PIK3C2G: variants seen among roughly 807,000 people sequenced by gnomAD.
The protein encoded by PIK3C2G is phosphatidylinositol-4-phosphate 3-kinase catalytic subunit type 2 gamma.
Under a neutral mutation model 181.1 loss-of-function variants are expected in PIK3C2G, and 168 were observed. That is an observed-to-expected ratio of 0.93 (90% CI 0.82 to 1.05). The LOEUF is 1.05. Among genes scored for constraint, PIK3C2G ranks in the 50% least tolerant of loss-of-function variants. PIK3C2G has a pLI of 0.00. For synonymous variants in PIK3C2G, 573 were observed against 592.2 expected (o/e 0.97, Z 0.47); for missense variants, 1,869 against 1,732.8 (o/e 1.08, Z -1.40).
At chr12:18,285,228 C>A (rs181176674) in intron 2 of PIK3C2G, 103 of 152,146 alleles carry the variant, frequency 6.8e-4, no homozygotes, top group African/African-American at 2.3e-3. Flanking sequence ...TTTTTAAATT[C>A]TTTAAAAGAA....
At chr12:18,684,753 A>C in the PIK3C2G span, among the ~76,000 whole-genome samples, 3 of 152,028 alleles carry the variant, frequency 2.0e-5, no homozygotes, top group Non-Finnish European at 4.4e-5. Context: ...TAAGTCCTTG[A>C]TATGGTTAAG....
intron 18 of PIK3C2G, among the ~76,000 whole-genome samples, chr12:18,428,792 T>C (rs895811271): frequency 6.6e-6 from 1 of 152,160 alleles, no homozygotes; most frequent in Admixed American, 6.6e-5. Flanking sequence ...GTGTTTGAAT[T>C]TAAAAGCTTT....
At chr12:18,503,877 A>G (rs899711698) in intron 23 of PIK3C2G, among the ~76,000 whole-genome samples, 2 of 152,214 alleles carry the variant, frequency 1.3e-5, no homozygotes, top group Non-Finnish European at 2.9e-5. Flanking sequence ...ATTTGACTGC[A>G]AACACTTTTT....
intron 19 of PIK3C2G, among the ~76,000 whole-genome samples, chr12:18,490,077 T>G (rs898183170): frequency 7.9e-5 from 12 of 152,114 alleles, no homozygotes; most frequent in Non-Finnish European, 1.6e-4. Flanking sequence ...TGGCTACTTT[T>G]GTACTTAAAA....
At chr12:18,387,923 C>T (rs1943278938) in intron 14 of PIK3C2G, among the ~76,000 whole-genome samples, 1 of 152,182 alleles carries the variant, frequency 6.6e-6, no homozygotes, top group Non-Finnish European at 1.5e-5. Context: ...ATGTTTGGCT[C>T]TTCCTTTTAT....
intron 24 of PIK3C2G, among the ~76,000 whole-genome samples, chr12:18,514,628 T>C (rs1565466599): frequency 1.3e-5 from 2 of 151,910 alleles, no homozygotes; most frequent in African/African-American, 2.4e-5. Context: ...TTATTTGTTA[T>C]GGCAAATTTT....
At chr12:18,309,082 C>T (rs1290348391) in intron 5 of PIK3C2G, among the ~76,000 whole-genome samples, 1 of 151,534 alleles carries the variant, frequency 6.6e-6, no homozygotes, top group Non-Finnish European at 1.5e-5. Context: ...TTTGATACTA[C>T]ACCAAAATCA....
At chr12:18,667,761 T>C in the PIK3C2G span, among the ~76,000 whole-genome samples, 3 of 152,214 alleles carry the variant, frequency 2.0e-5, no homozygotes, top group South Asian at 6.2e-4. Context: ...AATGAAACTC[T>C]ATAAAGTTAA....
intron 11 of PIK3C2G, among the ~76,000 whole-genome samples, chr12:18,352,216 A>G (rs944722093): frequency 6.6e-6 from 1 of 152,226 alleles, no homozygotes; most frequent in African/African-American, 2.4e-5. Flanking sequence ...GAACTAATCT[A>G]TGACAACTCC....
chr12:18,322,729 C>G (rs935201232), intron 7 of PIK3C2G, among the ~76,000 whole-genome samples: 1 of 152,098 alleles, frequency 6.6e-6, no homozygotes, highest in African/African-American at 2.4e-5. Context: ...TCTCTGCCAC[C>G]CTTCCCCCTA....
chr12:18,690,417 G>T, the PIK3C2G span, among the ~76,000 whole-genome samples: 1 of 152,040 alleles, frequency 6.6e-6, no homozygotes, highest in African/African-American at 2.4e-5. Flanking sequence ...TAGAAACAGG[G>T]TTTCACCATG....
chr12:18,305,525 G>A (rs1179164804), intron 5 of PIK3C2G, among the ~76,000 whole-genome samples: 1 of 152,052 alleles, frequency 6.6e-6, no homozygotes, highest in Non-Finnish European at 1.5e-5. Context: ...TTACCCAAAA[G>A]CACTGTCTAT....
intron 26 of PIK3C2G, among the ~76,000 whole-genome samples, chr12:18,559,821 TAGAGAGAGAGAGAGAGAGAGAG>T (rs1171468138): frequency 2.7e-4 from 5 of 18,372 alleles, no homozygotes; most frequent in Admixed American, 1.0e-3. Context: ...TATATATATA[TAGAGAGAGAGAGAGAGAGAGAG>T]AGAGAGAGAG....
chr12:18,406,497 G>C (rs1944539060), intron 16 of PIK3C2G, among the ~76,000 whole-genome samples: 1 of 152,154 alleles, frequency 6.6e-6, no homozygotes, highest in South Asian at 2.1e-4. Context: ...TCTTGGAAAA[G>C]AATTGATGAT....
intron 22 of PIK3C2G, among the ~76,000 whole-genome samples, chr12:18,500,228 C>T (rs555691927): frequency 3.9e-5 from 6 of 152,216 alleles, no homozygotes; most frequent in Admixed American, 3.3e-4. Context: ...CTTGGCGGGC[C>T]CCGCACTCGG....
At chr12:18,506,000 G>T (rs901518046) in intron 24 of PIK3C2G, among the ~76,000 whole-genome samples, 1 of 152,184 alleles carries the variant, frequency 6.6e-6, no homozygotes, top group African/African-American at 2.4e-5. Flanking sequence ...TACAAGCTAA[G>T]AAATGACTTG....
chr12:18,346,552 G>A (rs1227245592), intron 10 of PIK3C2G, 89 bp from the exon 11 acceptor site: 4 of 722,260 alleles, frequency 5.5e-6, no homozygotes, highest in Non-Finnish European at 9.2e-6. Context: ...TATTGAAATT[G>A]TATTATATGA....
intron 24 of PIK3C2G, among the ~76,000 whole-genome samples, chr12:18,518,722 C>T (rs1239193817): frequency 1.3e-5 from 2 of 152,076 alleles, no homozygotes; most frequent in Non-Finnish European, 2.9e-5. Context: ...TTTTGTATCT[C>T]TATCACCTTC....
chr12:18,361,045 T>A (rs1941193505), intron 11 of PIK3C2G, among the ~76,000 whole-genome samples: 1 of 152,150 alleles, frequency 6.6e-6, no homozygotes, highest in South Asian at 2.1e-4. Flanking sequence ...TGCCCATTAT[T>A]CTCTTTGGCT....
Sources: gnomAD v4.1 joint callset for allele counts (sites outside exome capture counted in the v4.1 genomes callset) on GRCh38, gnomAD v4.1.1 for gene constraint, MANE v1.5 for transcripts, NCBI Gene and HGNC (gene_info 2026-07-23, HGNC 2026-07-21) for gene names.